CTNND2: variants seen among roughly 807,000 people sequenced by gnomAD.
The protein encoded by CTNND2 is catenin delta-2.
A neutral mutation model predicts 144.4 loss-of-function variants in CTNND2; 22 were observed. The observed-to-expected ratio is 0.15, with a 90% CI of 0.11 to 0.22. The LOEUF (loss-of-function observed/expected upper bound fraction) is 0.22, where lower values mean the gene tolerates loss of function less well. Ranked by LOEUF, CTNND2 falls within the 10% of genes least tolerant of loss-of-function variation. The pLI is 1.00. For synonymous variants in CTNND2, 751 were observed against 695.6 expected, an observed-to-expected ratio of 1.08 and a Z score of -1.25; for missense variants, 1,353 against 1,618.8, an observed-to-expected ratio of 0.84 and a Z score of 2.82.
intron 9 of CTNND2, among the ~76,000 whole-genome samples, chr5:11,330,483 C>CA (rs10627159): frequency 0.038 from 1,656 of 43,416 alleles, 393 homozygotes; most frequent in African/African-American, 0.12. Flanking sequence ...GACTCCGTCT[C>CA]AAAAAAAAAA....
chr5:11,438,456 C>A (rs61755476), intron 3 of CTNND2, among the ~76,000 whole-genome samples: 1 of 152,092 alleles, frequency 6.6e-6, no homozygotes, highest in Non-Finnish European at 1.5e-5. Flanking sequence ...ATGAACTACA[C>A]GTGGTGTTGA....
chr5:11,736,456 T>G (rs1787687064), intron 1 of CTNND2, among the ~76,000 whole-genome samples: 1 of 152,210 alleles, frequency 6.6e-6, no homozygotes, highest in African/African-American at 2.4e-5. Context: ...ATAATTTCCA[T>G]GATTCATAAT....
At chr5:11,568,077 T>C (rs986313362) in intron 2 of CTNND2, among the ~76,000 whole-genome samples, 1 of 152,200 alleles carries the variant, frequency 6.6e-6, no homozygotes, top group Admixed American at 6.5e-5. Flanking sequence ...CCCAACTCAA[T>C]GCCCCATGGA....
At chr5:11,127,459 A>G (rs986669902) in intron 12 of CTNND2, among the ~76,000 whole-genome samples, 2 of 152,162 alleles carry the variant, frequency 1.3e-5, no homozygotes, top group Admixed American at 1.3e-4. Flanking sequence ...TTCTTCCCCC[A>G]CCAGCCTGAT....
intron 16 of CTNND2, among the ~76,000 whole-genome samples, chr5:11,035,546 C>T (rs929075613): frequency 1.3e-5 from 2 of 152,186 alleles, no homozygotes; most frequent in Admixed American, 6.5e-5. Context: ...CCTTAATTCC[C>T]CTTGGCCACG....
chr5:11,645,926 TA>T (rs1353494183), intron 2 of CTNND2, among the ~76,000 whole-genome samples: 31 of 152,244 alleles, frequency 2.0e-4, no homozygotes, highest in African/African-American at 5.5e-4. Flanking sequence ...TTTATTGTTT[TA>T]TTTTTTTTAA....
At chr5:11,659,704 T>C (rs1174529623) in intron 2 of CTNND2, among the ~76,000 whole-genome samples, 1 of 152,146 alleles carries the variant, frequency 6.6e-6, no homozygotes, top group African/African-American at 2.4e-5. Context: ...GGCCACTGTT[T>C]CCTGCATTAG....
intron 3 of CTNND2, among the ~76,000 whole-genome samples, chr5:11,526,542 C>G (rs755645225): frequency 3.3e-5 from 5 of 152,246 alleles, no homozygotes; most frequent in Admixed American, 2.0e-4. Context: ...CTGGTGCCTT[C>G]GGTAGAATCA....
At chr5:11,504,281 C>A (rs1429213246) in intron 3 of CTNND2, among the ~76,000 whole-genome samples, 1 of 152,156 alleles carries the variant, frequency 6.6e-6, no homozygotes, top group African/African-American at 2.4e-5. Flanking sequence ...GCCGCTGCTG[C>A]TGATGATGAT....
chr5:11,072,680 G>A (rs1238965203), intron 16 of CTNND2, among the ~76,000 whole-genome samples: 1 of 152,238 alleles, frequency 6.6e-6, no homozygotes, highest in African/African-American at 2.4e-5. Context: ...AACAACACGA[G>A]CTTTTTTCTT....
At chr5:11,450,300 G>A (rs902769770) in intron 3 of CTNND2, among the ~76,000 whole-genome samples, 2 of 152,178 alleles carry the variant, frequency 1.3e-5, no homozygotes, top group Non-Finnish European at 2.9e-5. Flanking sequence ...TATTCCATAT[G>A]TCACCATAAA....
intron 15 of CTNND2, among the ~76,000 whole-genome samples, chr5:11,096,712 T>C (rs772330842): frequency 5.9e-5 from 9 of 151,826 alleles, no homozygotes; most frequent in Non-Finnish European, 1.2e-4. Flanking sequence ...GATAATGAAA[T>C]AAGTATTTCT....
chr5:11,190,947 A>G (rs2149814460), intron 11 of CTNND2, among the ~76,000 whole-genome samples: 1 of 152,326 alleles, frequency 6.6e-6, no homozygotes, highest in African/African-American at 2.4e-5. Flanking sequence ...CTACACTTCC[A>G]AGTGCTGAAA....
At position 11,623,789 on chromosome 5, in the gene CTNND2, AATATATATATGTGTGTATGTATATAT is replaced by A. The variant is rs1390555574; in HGVS notation, c.175-58759_175-58734del. Among the ~76,000 whole-genome samples the A allele has an allele frequency of 9.7e-3, 1,154 of 118,596 alleles. 18 individuals are homozygous for A. The highest frequency in any genetic ancestry group is 0.013 in the Middle Eastern group (3 of 238). The allele number at this position is 118,596 out of a possible 152,430, so 77.8% of individuals were successfully genotyped here. On this transcript the variant is annotated intron_variant, in intron 2 of 21. Coordinates refer to ENST00000304623, the MANE Select transcript of CTNND2 (RefSeq NM_001332.4). ...TCAAGAAGAAGACCTAACTATCGTA[AATATATATATGTGTGTATGTATATAT>A]ATATATATATATATATATATATATA...
At chr5:11,508,379 C>G (rs971044041) in intron 3 of CTNND2, 1 of 152,084 alleles carries the variant, frequency 6.6e-6, no homozygotes, top group Admixed American at 6.6e-5. Context: ...GCCATGTTCC[C>G]GAGACTTCAG....
intron 16 of CTNND2, among the ~76,000 whole-genome samples, chr5:11,043,386 T>C (rs1197977369): frequency 6.6e-6 from 1 of 152,186 alleles, no homozygotes; most frequent in Non-Finnish European, 1.5e-5. Context: ...CCAGCATTCA[T>C]ATTGTAGGCT....
intron 9 of CTNND2, among the ~76,000 whole-genome samples, chr5:11,340,374 T>A (rs1754124686): frequency 6.6e-6 from 1 of 152,178 alleles, no homozygotes; most frequent in Non-Finnish European, 1.5e-5. Flanking sequence ...GAATCTTCCA[T>A]GGAAAAGCCA....
chr5:11,020,904 A>C (rs1742183491), intron 17 of CTNND2, among the ~76,000 whole-genome samples: 1 of 152,186 alleles, frequency 6.6e-6, no homozygotes, highest in Admixed American at 6.5e-5. Context: ...AGACAGAATG[A>C]GCGCCTATTC....
At chr5:11,396,401 G>C (rs1020474208) in intron 6 of CTNND2, among the ~76,000 whole-genome samples, 8 of 152,034 alleles carry the variant, frequency 5.3e-5, no homozygotes, top group Admixed American at 4.6e-4. Context: ...CAGATTGGTA[G>C]CTGCTTCTTT....
Sources: gnomAD v4.1 joint callset for allele counts (sites outside exome capture counted in the v4.1 genomes callset) on GRCh38, gnomAD v4.1.1 for gene constraint, MANE v1.5 for transcripts, NCBI Gene and HGNC (gene_info 2026-07-23, HGNC 2026-07-21) for gene names.